Variants in PKHD1L1 observed in about 807,000 individuals in gnomAD.
The protein encoded by PKHD1L1 is fibrocystin-L.
PKHD1L1 carries 434 observed loss-of-function variants against 462.9 expected under a neutral mutation model. That is an observed-to-expected ratio of 0.94 (90% CI 0.87 to 1.02). The LOEUF is 1.02. PKHD1L1 is among the 50% of genes least tolerant of loss of function. The probability of loss-of-function intolerance (pLI) is 0.00; values close to 1 mark genes in which losing one functional copy is unlikely to be tolerated. For synonymous variants in PKHD1L1, 1,781 were observed against 1,750.0 expected, an observed-to-expected ratio of 1.02 and a Z score of -0.44; for missense variants, 5,202 against 5,096.1, an observed-to-expected ratio of 1.02 and a Z score of -0.63.
rs146356321 is a variant in PKHD1L1, at chr8:109,450,128, C to T, written c.6175+641C>T. On this transcript the variant is annotated intron_variant, in intron 40 of 77. Coordinates refer to ENST00000378402, the MANE Select transcript of PKHD1L1 (RefSeq NM_177531.6). ...TTGTTACTTACTGTGTAACCCTAGC[C>T]GAGTAACTTCTCTCTGCTTCAGTTT... 7.9e-5 allele frequency among the ~76,000 whole-genome samples: 12 copies of T among 152,258 alleles called. No individual in the cohort carries two copies. The East Asian group carries it at 9.7e-4, about 12-fold the overall frequency.
Position 109,381,416 on chromosome 8 carries a change from G to A in PKHD1L1, c.210G>A (p.Glu70=). 1 of 1,583,668 alleles carries A rather than the reference G, an allele frequency of 6.3e-7. No individual in the cohort carries two copies. The highest frequency in any genetic ancestry group is 1.2e-5 in the South Asian group (1 of 86,886). Reference sequence around the variant, plus strand: ...TTAACTATGGAGTTGATAACGCTGAGTTGGGAAACAGTGTGCAATTAATTT... The same window carrying A: ...TTAACTATGGAGTTGATAACGCTGAATTGGGAAACAGTGTGCAATTAATTT... The part of the protein sequence containing the change: ...NQFNYGVDNA[E]LGNSVQLISS... The change falls in exon 3 of 78, where the codon GAG becomes GAA. Residue 70 remains glutamate, a synonymous_variant. Coordinates refer to ENST00000378402, the MANE Select transcript of PKHD1L1 (RefSeq NM_177531.6).
chr8:109,369,714 T>G (rs192562712), intron 2 of PKHD1L1, among the ~76,000 whole-genome samples: 3 of 152,310 alleles, frequency 2.0e-5, no homozygotes, highest in Admixed American at 2.0e-4. Context: ...GGAGCTCTTC[T>G]GTGTGTTCCA....
In PKHD1L1 at chr8:109,381,509, T is replaced by C. The variant is rs375686416; in HGVS notation, c.303T>C (p.Tyr101=). 6 of 1,567,110 alleles carry C rather than the reference T, an allele frequency of 3.8e-6. No homozygotes were observed. In the African/African-American group the frequency reaches 8.1e-5, roughly 21 times the overall value. ...GTCATTCAACTCAAATTACATGCTA[T>C]ACTAGGTCTGTTTTAAAGTATCTTT... ...DASHSTQITC[Y]TRAMPEDSYT... The change falls in exon 3 of 78, where the codon TAT becomes TAC. Residue 101 remains tyrosine, a synonymous_variant. Transcript: ENST00000378402.
chr8:109,498,446 G>A lies in PKHD1L1; in HGVS notation c.10600-16G>A. On this transcript the variant is annotated splice_polypyrimidine_tract_variant and intron_variant, in intron 65 of 77. Transcript: ENST00000378402. ...GCTATTATTAATGCTATATTGTTTG[G>A]CTTATTTCCAAACAGAGCTCATTAA... is the stretch of plus-strand genomic sequence containing the variant. The A allele has an allele frequency of 6.4e-7, 1 of 1,559,602 alleles. No homozygotes were observed. The highest frequency in any genetic ancestry group is 8.8e-7 in the Non-Finnish European group (1 of 1,131,652).
intron 22 of PKHD1L1, 112 bp downstream of exon 22, chr8:109,419,372 T>C: frequency 1.4e-6 from 1 of 737,176 alleles, no homozygotes. Flanking sequence ...TAAATATTAA[T>C]GAGTCACTCT....
chr8:109,526,698 T>G, intron 76 of PKHD1L1, 86 bp from the exon 77 acceptor site: 1 of 1,158,006 alleles, frequency 8.6e-7, no homozygotes, highest in South Asian at 1.6e-5. Flanking sequence ...TATAGTGTTT[T>G]TCAGTCAATG....
intron 29 of PKHD1L1, 141 bp downstream of exon 29, chr8:109,435,495 A>T: frequency 1.1e-6 from 1 of 911,930 alleles, no homozygotes; most frequent in Non-Finnish European, 1.6e-6. Flanking sequence ...GAGAAGGTAC[A>T]GTGATTAAAT....
Position 109,444,739 on chromosome 8 carries a change from T to A in PKHD1L1, c.4870T>A (p.Ser1624Thr). The A allele has an allele frequency of 6.2e-7, 1 of 1,614,012 alleles. No homozygotes were observed. Among genetic ancestry groups the A allele is most frequent in the Non-Finnish European group, 8.5e-7 (1 of 1,179,860 alleles). Residue 1624 changes from serine (S) to threonine (T), a missense_variant, in exon 38 of 78, where the codon TCA (serine) becomes ACA (threonine). Ser to Thr is a moderately conservative substitution (Grantham distance 58). Transcript: ENST00000378402. ...SITCHIDPQN[S>T]MDVGIRETVT... ...TACATGTCATATTGACCCTCAAAAC[T>A]CAATGGATGTTGGTATCAGGGAAAC...
intron 43 of PKHD1L1, among the ~76,000 whole-genome samples, chr8:109,453,390 T>G (rs1470297095): frequency 6.6e-6 from 1 of 152,192 alleles, no homozygotes; most frequent in Non-Finnish European, 1.5e-5. Flanking sequence ...TTGCCTGGGT[T>G]TGTCTCTGCT....
rs994733060 is a variant in PKHD1L1 at position 109,448,327 on chromosome 8, C to G, written c.5961C>G (p.Gly1987=). 4 of 1,613,368 alleles carry G rather than the reference C, an allele frequency of 2.5e-6. No homozygotes were observed. The highest frequency in any genetic ancestry group is 3.4e-6 in the Non-Finnish European group (4 of 1,179,710). ...FPVMMHHKTK[G]SAMSTVVFEY... ...TTATGATGCATCATAAGACAAAAGG[C>G]TCAGCCATGTCCACAGTTGTATTTG... The change falls in exon 39 of 78, where the codon GGC becomes GGG. Residue 1987 remains glycine, a synonymous_variant. Transcript: ENST00000378402.
intron 29 of PKHD1L1, among the ~76,000 whole-genome samples, chr8:109,435,642 T>C (rs1256944736): frequency 1.3e-5 from 2 of 152,230 alleles, no homozygotes; most frequent in African/African-American, 2.4e-5. Flanking sequence ...AGATAAGATT[T>C]ATTAGTTATT....
chr8:109,396,215 A>G (rs1393371459), intron 11 of PKHD1L1, 78 bp downstream of exon 11: 2 of 1,040,578 alleles, frequency 1.9e-6, no homozygotes, highest in Non-Finnish European at 2.9e-6. Context: ...AATAATAATA[A>G]TAGTCTTTTC....
At position 109,477,241 on chromosome 8, in the gene PKHD1L1, C is replaced by A. The variant is rs1166760958; in HGVS notation, c.8934C>A (p.Asp2978Glu). 1.2e-6 allele frequency: 2 copies of A among 1,612,996 alleles called. No homozygotes were observed. Among genetic ancestry groups the A allele is most frequent in the Non-Finnish European group, 1.7e-6 (2 of 1,179,510 alleles). ...CACTTTCAGTGTCAGGAAGAAATGA[C>A]CTTCATCAGAGTCAGCTCATTTCTG... ...TLYYLVSGRN[D>E]LHQSQLISGN... The change falls in exon 53 of 78, where the codon GAC (aspartate) becomes GAA (glutamate). Residue 2978 changes from aspartate (D) to glutamate (E), a missense_variant. Coordinates refer to ENST00000378402, the MANE Select transcript of PKHD1L1 (RefSeq NM_177531.6).
intron 4 of PKHD1L1, among the ~76,000 whole-genome samples, chr8:109,383,420 A>C: frequency 8.3e-6 from 1 of 120,764 alleles, no homozygotes; most frequent in African/African-American, 3.2e-5. Flanking sequence ...TATATATTAT[A>C]TATAATATAT....
In PKHD1L1 at chr8:109,404,575, G is replaced by T; in HGVS notation, c.1395G>T (p.Leu465=). 2 of 1,575,004 alleles carry T rather than the reference G, an allele frequency of 1.3e-6. No individual in the cohort carries two copies. The highest frequency in any genetic ancestry group is 1.7e-6 in the Non-Finnish European group (2 of 1,159,646). The stretch of plus-strand genomic sequence containing the variant: ...CCAGATACTATATTGAAATCTTGCT[G>T]CAGGAGTACAGATTAAGTGCATTTG... ...KGKEYYIEIL[L]QEYRLSAFVD... The change falls in exon 15 of 78, where the codon CTG becomes CTT. Residue 465 remains leucine (L), a synonymous_variant. Coordinates refer to ENST00000378402, the MANE Select transcript of PKHD1L1 (RefSeq NM_177531.6).
At chr8:109,476,043 C>T (rs1368573363) in intron 51 of PKHD1L1, among the ~76,000 whole-genome samples, 3 of 152,192 alleles carry the variant, frequency 2.0e-5, no homozygotes, top group South Asian at 2.1e-4. Flanking sequence ...CCATCTTATA[C>T]ATGTTCTTCC....
chr8:109,433,876 G>A (rs1000959143), intron 28 of PKHD1L1, among the ~76,000 whole-genome samples: 2 of 151,952 alleles, frequency 1.3e-5, no homozygotes, highest in African/African-American at 4.8e-5. Context: ...TGTATTATTG[G>A]TGTTCTAAAG....
intron 58 of PKHD1L1, 23 bp from the exon 59 acceptor site, chr8:109,486,625 A>G (rs1818540742): frequency 6.2e-7 from 1 of 1,603,200 alleles, no homozygotes; most frequent in Admixed American, 1.7e-5. Context: ...ATTGGCAATA[A>G]TCTAGCTGCC....
At chr8:109,376,492 G>A (rs568409372) in intron 2 of PKHD1L1, among the ~76,000 whole-genome samples, 32 of 152,222 alleles carry the variant, frequency 2.1e-4, no homozygotes, top group Middle Eastern at 6.8e-3. Context: ...CTCACAGTGC[G>A]CTGCACCCAC....
Sources: gnomAD v4.1 joint callset for allele counts (sites outside exome capture counted in the v4.1 genomes callset) on GRCh38, gnomAD v4.1.1 for gene constraint, MANE v1.5 for transcripts, NCBI Gene and HGNC (gene_info 2026-07-23, HGNC 2026-07-21) for gene names.